The following CCBE1 variants were observed in gnomAD, a reference collection of about 807,000 sequenced individuals.
CCBE1 encodes the protein collagen and calcium binding EGF domains 1, also known as collagen and calcium-binding EGF domain-containing protein 1.
CCBE1 carries 37 observed loss-of-function variants against 50.0 expected under a neutral mutation model. The ratio of observed to expected loss-of-function variants is 0.74; its 90% CI spans 0.57 to 0.97. CCBE1 has a LOEUF of 0.97. CCBE1 is among the 50% of genes least tolerant of loss of function. CCBE1 has a pLI of 0.00. For missense variants in CCBE1, 538 were observed against 523.8 expected (o/e 1.03, Z -0.26); for synonymous variants, 234 against 203.7 (o/e 1.15, Z -1.27).
intron 10 of CCBE1, 101 bp downstream of exon 10, chr18:59,438,010 G>T: frequency 8.9e-7 from 1 of 1,123,654 alleles, no homozygotes; most frequent in South Asian, 1.3e-5. Flanking sequence ...AGTGGCATCA[G>T]GAAGGGGCGG....
At chr18:59,537,437 A>AT (rs942536605) in intron 2 of CCBE1, among the ~76,000 whole-genome samples, 2 of 152,152 alleles carry the variant, frequency 1.3e-5, no homozygotes, top group African/African-American at 2.4e-5. Flanking sequence ...TACTGTTCCC[A>AT]TTGTAGTGAA....
In CCBE1 at chr18:59,439,819, G is replaced by T; in HGVS notation, c.776-3C>A. 1 of 1,613,484 alleles carries T rather than the reference G, an allele frequency of 6.2e-7. No homozygotes were observed. Among genetic ancestry groups the T allele is most frequent in the Non-Finnish European group, 8.5e-7 (1 of 1,179,976 alleles). On this transcript the variant is annotated splice_polypyrimidine_tract_variant and splice_region_variant and intron_variant, in intron 7 of 10. Coordinates refer to ENST00000439986, the MANE Select transcript of CCBE1 (RefSeq NM_133459.4). ...GCTTCCCTTTGGTCCTGGTGAGCCTGTAATCAAAGAACACCTCATTAGCTC... is the reference window on the plus strand; with the variant it reads ...GCTTCCCTTTGGTCCTGGTGAGCCTTTAATCAAAGAACACCTCATTAGCTC...
At chr18:59,646,572 C>G (rs1185413739) in intron 2 of CCBE1, among the ~76,000 whole-genome samples, 1 of 152,142 alleles carries the variant, frequency 6.6e-6, no homozygotes, top group Non-Finnish European at 1.5e-5. Flanking sequence ...CTTTAGGGAA[C>G]CACAACCCCT....
intron 2 of CCBE1, among the ~76,000 whole-genome samples, chr18:59,682,713 G>A (rs1047400250): frequency 2.0e-5 from 3 of 152,222 alleles, no homozygotes; most frequent in Non-Finnish European, 1.5e-5. Flanking sequence ...GTAGGTCTAA[G>A]GATATCTTAG....
At position 59,697,265 on chromosome 18, in the gene CCBE1, G is replaced by C. The variant is rs1324891671; in HGVS notation, c.78C>G (p.Leu26=). ...LGRSLGPLLL[L]LALGHTWTYR... Reference sequence around the variant, plus strand: ...AGGTCCACGTGTGTCCCAACGCCAGGAGCAGCAGCAGCGGACCCAGGCTCC... The same window carrying C: ...AGGTCCACGTGTGTCCCAACGCCAGCAGCAGCAGCAGCGGACCCAGGCTCC... The change falls in exon 1 of 11, where the codon CTC becomes CTG. Residue 26 remains leucine (L), a synonymous_variant. Transcript: ENST00000439986. The C allele has an allele frequency of 6.5e-7, 1 of 1,549,314 alleles. No individual in the cohort carries two copies. Among genetic ancestry groups the C allele is most frequent in the Non-Finnish European group, 8.7e-7 (1 of 1,146,738 alleles).
intron 2 of CCBE1, among the ~76,000 whole-genome samples, chr18:59,522,640 C>T (rs1274728672): frequency 1.3e-5 from 2 of 152,124 alleles, no homozygotes; most frequent in East Asian, 1.9e-4. Flanking sequence ...TGAAGAAACC[C>T]CATGAAGACA....
At chr18:59,456,827 C>T (rs1385978287) in intron 5 of CCBE1, among the ~76,000 whole-genome samples, 1 of 152,172 alleles carries the variant, frequency 6.6e-6, no homozygotes, top group Non-Finnish European at 1.5e-5. Context: ...TGAGCAGGCC[C>T]AGAGGCAGCC....
rs1295225983 is a variant in CCBE1 at position 59,601,049 on chromosome 18, T to G, written c.212+95580A>C. Among the ~76,000 whole-genome samples the G allele has an allele frequency of 2.7e-5, 3 of 112,196 alleles. No homozygotes were observed. The Admixed American group carries it at 2.8e-4, about 11-fold the overall frequency. 73.6% of individuals were successfully genotyped at this position (112,196 alleles called of 152,430 possible). ...TTTTTTTTTTTTTTTTTTTTTTTTGTAAGACAGGGTCTCACTCTGTCTCCC... is the reference window on the plus strand; with the variant it reads ...TTTTTTTTTTTTTTTTTTTTTTTTGGAAGACAGGGTCTCACTCTGTCTCCC... On this transcript the variant is annotated intron_variant, in intron 2 of 10. Coordinates refer to ENST00000439986, the MANE Select transcript of CCBE1 (RefSeq NM_133459.4).
chr18:59,607,429 C>A (rs1232453186), intron 2 of CCBE1, among the ~76,000 whole-genome samples: 1 of 152,152 alleles, frequency 6.6e-6, no homozygotes, highest in Non-Finnish European at 1.5e-5. Flanking sequence ...CAGAATCATT[C>A]CAAATTTCAA....
intron 2 of CCBE1, chr18:59,568,528 T>C (rs2052862520): frequency 6.6e-6 from 1 of 152,202 alleles, no homozygotes; most frequent in Non-Finnish European, 1.5e-5. Context: ...GACTCTCTAA[T>C]AACATAAGTC....
chr18:59,519,479 A>ACATATGGC (rs1316627957), intron 2 of CCBE1, among the ~76,000 whole-genome samples: 3 of 151,836 alleles, frequency 2.0e-5, no homozygotes, highest in African/African-American at 7.3e-5. Context: ...CCTGCCACAA[A>ACATATGGC]CATATGGCTT....
At chr18:59,668,613 G>A (rs1242244951) in intron 2 of CCBE1, among the ~76,000 whole-genome samples, 1 of 151,872 alleles carries the variant, frequency 6.6e-6, no homozygotes, top group African/African-American at 2.4e-5. Flanking sequence ...TGCACATTTA[G>A]GTTTTGTTCA....
In CCBE1 at chr18:59,561,188, C is replaced by A. The variant is rs572910283; in HGVS notation, c.213-80950G>T. On this transcript the variant is annotated intron_variant, in intron 2 of 10. Transcript: ENST00000439986. ...ATGGTAATCTGCGCCAATAGCTGGGCAGTTTATCAAAGCTCATGTATGTAA... is the reference window on the plus strand; with the variant it reads ...ATGGTAATCTGCGCCAATAGCTGGGAAGTTTATCAAAGCTCATGTATGTAA... 1.1e-4 allele frequency among the ~76,000 whole-genome samples: 17 copies of A among 152,324 alleles called. No homozygotes were observed. The East Asian group carries it at 1.5e-3, about 14-fold the overall frequency.
chr18:59,691,700 A>G lies in CCBE1; in HGVS notation c.212+4929T>C, dbSNP rs191910732. On this transcript the variant is annotated intron_variant, in intron 2 of 10. Transcript: ENST00000439986. ...ATTACAGGCGTGAGCCACCGCGCCC[A>G]GCTAGAGTTCTTCACAACTTTCATT... is the stretch of plus-strand genomic sequence containing the variant. Among the ~76,000 whole-genome samples the G allele has an allele frequency of 6.0e-3, 919 of 152,286 alleles. 8 individuals carry two copies. The highest frequency in any genetic ancestry group is 8.5e-3 in the Non-Finnish European group (579 of 68,024).
At chr18:59,559,781 C>CTGAACTAA (rs1447443530) in intron 2 of CCBE1, among the ~76,000 whole-genome samples, 3 of 152,230 alleles carry the variant, frequency 2.0e-5, no homozygotes, top group African/African-American at 4.8e-5. Flanking sequence ...TGCGTCTTGG[C>CTGAACTAA]ATCAGCCATT....
intron 2 of CCBE1, among the ~76,000 whole-genome samples, chr18:59,560,327 T>C (rs1353988831): frequency 1.3e-5 from 2 of 152,200 alleles, no homozygotes; most frequent in East Asian, 1.9e-4. Flanking sequence ...GTTAGCATCA[T>C]TCTCAGCAAA....
chr18:59,547,000 C>G (rs1915710659), intron 2 of CCBE1, among the ~76,000 whole-genome samples: 1 of 135,532 alleles, frequency 7.4e-6, no homozygotes, highest in Non-Finnish European at 1.5e-5. Context: ...TAAAGCAGGA[C>G]CATCAGGGCT....
intron 2 of CCBE1, among the ~76,000 whole-genome samples, chr18:59,500,951 C>A (rs555415748): frequency 1.4e-4 from 21 of 152,270 alleles, no homozygotes; most frequent in African/African-American, 5.1e-4. Flanking sequence ...CCTCTGAATC[C>A]CCACAACCAC....
chr18:59,567,764 A>G (rs147362788), intron 2 of CCBE1, among the ~76,000 whole-genome samples: 47 of 152,234 alleles, frequency 3.1e-4, no homozygotes, highest in African/African-American at 1.0e-3. Context: ...TACCACCACC[A>G]CACTGTTCTG....
Sources: gnomAD v4.1 joint callset for allele counts (sites outside exome capture counted in the v4.1 genomes callset) on GRCh38, gnomAD v4.1.1 for gene constraint, MANE v1.5 for transcripts, NCBI Gene and HGNC (gene_info 2026-07-23, HGNC 2026-07-21) for gene names.